The following XKR3 variants were observed in gnomAD, a reference collection of about 807,000 sequenced individuals.
The protein encoded by XKR3 is XK related 3, also known as XK-related protein 3.
XKR3 carries 27 observed loss-of-function variants against 40.3 expected under a neutral mutation model. That is an observed-to-expected ratio of 0.67 (90% CI 0.49 to 0.92). The LOEUF (loss-of-function observed/expected upper bound fraction) is 0.92, where lower values mean the gene tolerates loss of function less well. Ranked by LOEUF, XKR3 falls within the 40% of genes least tolerant of loss-of-function variation. XKR3 has a pLI of 0.00. For missense variants in XKR3, 472 were observed against 537.6 expected (o/e 0.88, Z 1.21); for synonymous variants, 193 against 195.4 (o/e 0.99, Z 0.10).
At chr22:16,785,513 A>G (rs1327056231) in intron 3 of XKR3, among the ~76,000 whole-genome samples, 1 of 152,204 alleles carries the variant, frequency 6.6e-6, no homozygotes, top group Non-Finnish European at 1.5e-5. Context: ...GCACTTTTGT[A>G]CTACATTCAG....
At chr22:16,821,664 T>C (rs1256437031) in intron 1 of XKR3, 1 of 152,116 alleles carries the variant, frequency 6.6e-6, no homozygotes, top group Non-Finnish European at 1.5e-5. Context: ...GGAGTTTCAC[T>C]GATACGTTCT....
In XKR3 at chr22:16,783,925, CATT is replaced by C. The variant is rs1424156821; in HGVS notation, c.1071_1073del (p.Ile357del). 4 of 1,614,078 alleles carry C rather than the reference CATT, an allele frequency of 2.5e-6. No homozygotes were observed. The highest frequency in any genetic ancestry group is 2.2e-5 in the East Asian group (1 of 44,892). On this transcript the variant is annotated inframe_deletion, in exon 4 of 4. Transcript: ENST00000684488. ...CTCCAAAGAACCTAAATACCAATAT[CATT>C]ATCACATTTTCTAAAAACTGAAAGC...
chr22:16,799,291 G>A (rs2060156140), intron 3 of XKR3, among the ~76,000 whole-genome samples: 1 of 151,116 alleles, frequency 6.6e-6, no homozygotes, highest in Non-Finnish European at 1.5e-5. Flanking sequence ...GCGGGCACCT[G>A]TAGTCCCAGC....
At chr22:16,814,189 G>C (rs184049714) in intron 1 of XKR3, among the ~76,000 whole-genome samples, 338 of 152,210 alleles carry the variant, frequency 2.2e-3, no homozygotes, top group Middle Eastern at 6.8e-3. Flanking sequence ...TTAGGTTTTT[G>C]ATACATTTTG....
At chr22:16,806,123 G>A (rs558979370) in intron 2 of XKR3, among the ~76,000 whole-genome samples, 23 of 152,170 alleles carry the variant, frequency 1.5e-4, no homozygotes, top group African/African-American at 5.5e-4. Context: ...GTTGAGCATG[G>A]TTGTGGGCAC....
At chr22:16,817,724 G>A (rs2060239571) in intron 1 of XKR3, among the ~76,000 whole-genome samples, 1 of 152,000 alleles carries the variant, frequency 6.6e-6, no homozygotes, top group African/African-American at 2.4e-5. Context: ...TCTCACAGAT[G>A]TTTTCTTTCT....
intron 1 of XKR3, among the ~76,000 whole-genome samples, chr22:16,818,845 G>GC (rs2060244354): frequency 6.6e-6 from 1 of 152,060 alleles, no homozygotes; most frequent in Non-Finnish European, 1.5e-5. Context: ...AGAGATGATT[G>GC]CACTGTGCTT....
intron 1 of XKR3, among the ~76,000 whole-genome samples, chr22:16,811,899 C>T (rs1227937101): frequency 1.3e-5 from 2 of 152,044 alleles, no homozygotes; most frequent in Non-Finnish European, 2.9e-5. Flanking sequence ...GTTCCAACTA[C>T]TCAGGAGGCT....
chr22:16,797,156 T>C (rs2060144861), intron 3 of XKR3, among the ~76,000 whole-genome samples: 1 of 152,204 alleles, frequency 6.6e-6, no homozygotes, highest in Non-Finnish European at 1.5e-5. Flanking sequence ...TTTCACCATA[T>C]ACAAAAATTA....
chr22:16,802,080 T>C (rs1267311839), intron 2 of XKR3, among the ~76,000 whole-genome samples: 1 of 152,154 alleles, frequency 6.6e-6, no homozygotes, highest in African/African-American at 2.4e-5. Flanking sequence ...TACCTCTCTC[T>C]CACCACATAA....
chr22:16,798,367 C>T (rs577205568), intron 3 of XKR3, among the ~76,000 whole-genome samples: 16 of 152,118 alleles, frequency 1.1e-4, no homozygotes, highest in Non-Finnish European at 2.1e-4. Context: ...TTACACACTG[C>T]TGATAGAAGT....
chr22:16,818,441 A>G (rs1219746889), intron 1 of XKR3, among the ~76,000 whole-genome samples: 1 of 152,104 alleles, frequency 6.6e-6, no homozygotes, highest in Non-Finnish European at 1.5e-5. Context: ...GAAGTTTCCA[A>G]TTCTGAATCT....
chr22:16,802,271 T>C (rs1018610878), intron 2 of XKR3, among the ~76,000 whole-genome samples: 36 of 152,298 alleles, frequency 2.4e-4, no homozygotes, highest in African/African-American at 8.7e-4. Context: ...AAACAGTTTT[T>C]CTCCCATCCC....
At chr22:16,800,130 A>G in intron 2 of XKR3, 106 bp from the exon 3 acceptor site, 2 of 1,268,550 alleles carry the variant, frequency 1.6e-6, no homozygotes, top group Non-Finnish European at 1.1e-6. Context: ...AAATTATACT[A>G]TCAAATGGCA....
At chr22:16,823,482 A>G (rs1352346004) in intron 1 of XKR3, among the ~76,000 whole-genome samples, 3 of 152,234 alleles carry the variant, frequency 2.0e-5, no homozygotes, top group Admixed American at 6.5e-5. Context: ...TTGAGTATCC[A>G]TCTGGTAGAG....
At position 16,783,605 on chromosome 22, in the gene XKR3, T is replaced by C; in HGVS notation, c.*14A>G. 1 of 1,542,628 alleles carries C rather than the reference T, an allele frequency of 6.5e-7. No homozygotes were observed. Among genetic ancestry groups the C allele is most frequent in the Non-Finnish European group, 8.7e-7 (1 of 1,148,036 alleles). On this transcript the variant is annotated 3_prime_UTR_variant, in exon 4 of 4. Coordinates refer to ENST00000684488, the MANE Select transcript of XKR3 (RefSeq NM_001386955.1). ...ATCTTTACTCATTGTTCTGTGAAAG[T>C]ATATATGTATATTTTATGAACATGT...
At chr22:16,808,172 T>C in intron 1 of XKR3, 89 bp from the exon 2 acceptor site, 1 of 995,376 alleles carries the variant, frequency 1.0e-6, no homozygotes, top group Non-Finnish European at 1.5e-6. Flanking sequence ...TATAATTCAC[T>C]ATTCATAGAA....
At chr22:16,796,808 A>C (rs1398116192) in intron 3 of XKR3, among the ~76,000 whole-genome samples, 5 of 152,206 alleles carry the variant, frequency 3.3e-5, no homozygotes, top group Non-Finnish European at 5.9e-5. Context: ...AATTAGAAAA[A>C]ATTCTATTCT....
intron 3 of XKR3, among the ~76,000 whole-genome samples, chr22:16,799,413 C>CAAAAAAAAAAAAAAAAAAAAACAA (rs528071823): frequency 3.1e-5 from 1 of 32,550 alleles, no homozygotes; most frequent in Non-Finnish European, 5.2e-5. Flanking sequence ...GACTATGTCT[C>CAAAAAAAAAAAAAAAAAAAAACAA]AAAAAAAAAA....
Sources: gnomAD v4.1 joint callset for allele counts (sites outside exome capture counted in the v4.1 genomes callset) on GRCh38, gnomAD v4.1.1 for gene constraint, MANE v1.5 for transcripts, NCBI Gene and HGNC (gene_info 2026-07-23, HGNC 2026-07-21) for gene names.